The following PRKG1 variants were observed in gnomAD, a reference collection of about 807,000 sequenced individuals.
PRKG1 encodes the protein protein kinase cGMP-dependent 1, also known as cGMP-dependent protein kinase 1.
A neutral mutation model predicts 88.1 loss-of-function variants in PRKG1; 35 were observed. The ratio of observed to expected loss-of-function variants is 0.40; its 90% CI spans 0.30 to 0.53. The LOEUF is 0.53. Among genes scored for constraint, PRKG1 ranks in the 20% least tolerant of loss-of-function variants. The probability of loss-of-function intolerance (pLI) is 0.59; values close to 1 mark genes in which losing one functional copy is unlikely to be tolerated. For synonymous variants in PRKG1, 303 were observed against 292.5 expected (o/e 1.04, Z -0.37); for missense variants, 540 against 839.8 (o/e 0.64, Z 4.41).
intron 1 of PRKG1, among the ~76,000 whole-genome samples, chr10:51,104,003 G>A (rs1844752737): frequency 6.6e-6 from 1 of 152,142 alleles, no homozygotes; most frequent in South Asian, 2.1e-4. Context: ...ATTCAGTAAT[G>A]ATCTCACCAC....
At chr10:51,916,655 A>G (rs1338376894) in intron 5 of PRKG1, among the ~76,000 whole-genome samples, 1 of 152,168 alleles carries the variant, frequency 6.6e-6, no homozygotes. Flanking sequence ...ATGACCTAGC[A>G]ATTCTGCTCC....
At chr10:51,600,215 C>T (rs150786478) in intron 3 of PRKG1, among the ~76,000 whole-genome samples, 194 of 152,172 alleles carry the variant, frequency 1.3e-3, no homozygotes, top group African/African-American at 4.3e-3. Context: ...ATACCTCTGC[C>T]TTAGATGGTC....
At chr10:51,961,869 C>T (rs1326268626) in intron 5 of PRKG1, among the ~76,000 whole-genome samples, 1 of 152,082 alleles carries the variant, frequency 6.6e-6, no homozygotes, top group Non-Finnish European at 1.5e-5. Flanking sequence ...GTAGTGATCC[C>T]AAGTAAGCCA....
intron 1 of PRKG1, among the ~76,000 whole-genome samples, chr10:51,103,924 G>C (rs577976222): frequency 6.6e-6 from 1 of 152,260 alleles, no homozygotes; most frequent in African/African-American, 2.4e-5. Flanking sequence ...TTCAGAAAAG[G>C]ACAATTACTC....
chr10:51,700,879 T>C (rs1394771749), intron 3 of PRKG1, among the ~76,000 whole-genome samples: 1 of 152,194 alleles, frequency 6.6e-6, no homozygotes, highest in African/African-American at 2.4e-5. Context: ...TAATAAATTG[T>C]GTTCTAAATA....
At chr10:51,649,839 C>T (rs749461506) in intron 3 of PRKG1, among the ~76,000 whole-genome samples, 4 of 152,082 alleles carry the variant, frequency 2.6e-5, no homozygotes, top group African/African-American at 9.7e-5. Context: ...AGTGGTAGCC[C>T]GCAATCAGTC....
In PRKG1 at chr10:51,002,222, C is replaced by G. The variant is rs143320096; in HGVS notation, c.266+10578C>G. Among the ~76,000 whole-genome samples, 327 of 151,688 alleles carry G rather than the reference C, an allele frequency of 2.2e-3. 1 individual carries two copies. The highest frequency in any genetic ancestry group is 7.7e-3 in the African/African-American group (320 of 41,408). On this transcript the variant is annotated intron_variant, in intron 1 of 17. Transcript: ENST00000401604. Reference sequence around the variant, plus strand: ...TGTGAGGAGACTAAAGGAATGGCTTCCTATTCACTCCCTTCTACCCCCATA... The same window carrying G: ...TGTGAGGAGACTAAAGGAATGGCTTGCTATTCACTCCCTTCTACCCCCATA...
At chr10:51,324,689 C>T (rs1220659515) in intron 2 of PRKG1, among the ~76,000 whole-genome samples, 1 of 152,030 alleles carries the variant, frequency 6.6e-6, no homozygotes, top group Non-Finnish European at 1.5e-5. Context: ...TGCAGTGAGC[C>T]GAGATCGCGC....
chr10:51,013,858 CAAT>C (rs1252623024), intron 1 of PRKG1, among the ~76,000 whole-genome samples: 3 of 152,048 alleles, frequency 2.0e-5, no homozygotes, highest in Non-Finnish European at 2.9e-5. Context: ...AGTCCTTTGG[CAAT>C]AATGTAGTGA....
chr10:51,481,053 A>C (rs1370706460), intron 3 of PRKG1, among the ~76,000 whole-genome samples: 1 of 152,182 alleles, frequency 6.6e-6, no homozygotes, highest in Non-Finnish European at 1.5e-5. Context: ...AAACTCATAC[A>C]CAGTAGAATT....
At chr10:51,182,693 A>G (rs189339969) in intron 2 of PRKG1, among the ~76,000 whole-genome samples, 1 of 152,262 alleles carries the variant, frequency 6.6e-6, no homozygotes, top group Admixed American at 6.5e-5. Flanking sequence ...GATTTTAACA[A>G]AATCTCAAGT....
intron 5 of PRKG1, among the ~76,000 whole-genome samples, chr10:51,916,519 T>C (rs556661685): frequency 1.1e-4 from 17 of 152,342 alleles, no homozygotes; most frequent in African/African-American, 3.6e-4. Flanking sequence ...AGCCATTCTT[T>C]AGTCCTTTAC....
intron 3 of PRKG1, among the ~76,000 whole-genome samples, chr10:51,686,863 G>A (rs1325008430): frequency 6.6e-6 from 1 of 152,130 alleles, no homozygotes; most frequent in African/African-American, 2.4e-5. Context: ...AGCCTCCCAA[G>A]TAGCTGTGAT....
chr10:51,679,091 A>C (rs1296914507), intron 3 of PRKG1, among the ~76,000 whole-genome samples: 1 of 152,230 alleles, frequency 6.6e-6, no homozygotes, highest in African/African-American at 2.4e-5. Flanking sequence ...GGTCTCTGAC[A>C]TTTAGATGTT....
intron 3 of PRKG1, among the ~76,000 whole-genome samples, chr10:51,527,675 T>A (rs1485886793): frequency 6.6e-6 from 1 of 152,222 alleles, no homozygotes; most frequent in Non-Finnish European, 1.5e-5. Flanking sequence ...TCTAGCGCTT[T>A]AAAGTCTCTT....
intron 3 of PRKG1, 77 bp downstream of exon 3, chr10:51,467,913 A>C: frequency 8.8e-7 from 1 of 1,136,976 alleles, no homozygotes; most frequent in Non-Finnish European, 1.3e-6. Context: ...TAAAATGCCC[A>C]TTCATTTAAT....
chr10:52,204,518 TTATTAGTACCCCAAATTA>T (rs1839764401), intron 9 of PRKG1, among the ~76,000 whole-genome samples: 1 of 152,152 alleles, frequency 6.6e-6, no homozygotes, highest in Non-Finnish European at 1.5e-5. Flanking sequence ...TCATGGACAT[TTATTAGTACCCCAAATTA>T]ATACTTTTAT....
chr10:51,776,489 G>A (rs767166195), intron 3 of PRKG1, among the ~76,000 whole-genome samples: 5 of 152,014 alleles, frequency 3.3e-5, no homozygotes, highest in Admixed American at 3.3e-4. Flanking sequence ...TATATTAAAT[G>A]ACAAAGCAAG....
chr10:51,177,600 G>T (rs1837229197), intron 2 of PRKG1, among the ~76,000 whole-genome samples: 1 of 152,080 alleles, frequency 6.6e-6, no homozygotes, highest in African/African-American at 2.4e-5. Flanking sequence ...ATGGTTGAAT[G>T]AAGTAGATGT....
Sources: gnomAD v4.1 joint callset for allele counts (sites outside exome capture counted in the v4.1 genomes callset) on GRCh38, gnomAD v4.1.1 for gene constraint, MANE v1.5 for transcripts, NCBI Gene and HGNC (gene_info 2026-07-23, HGNC 2026-07-21) for gene names.